RS1: variants seen among roughly 807,000 people sequenced by gnomAD.
RS1 encodes the protein retinoschisin 1, also known as retinoschisin.
RS1 carries 2 observed loss-of-function variants against 20.8 expected under a neutral mutation model. The ratio of observed to expected loss-of-function variants is 0.10; its 90% CI spans 0.04 to 0.30. The LOEUF (loss-of-function observed/expected upper bound fraction) is 0.30. Among genes scored for constraint, RS1 ranks in the 10% least tolerant of loss-of-function variants. The pLI is 1.00. For synonymous variants in RS1, 70 were observed against 75.8 expected (o/e 0.92, Z 0.40); for missense variants, 151 against 189.8 (o/e 0.80, Z 1.20).
Position 18,644,612 on chromosome X carries a change from A to G in RS1, c.340T>C (p.Ser114Pro), listed in dbSNP as rs776803555. The G allele has an allele frequency of 8.3e-7, 1 of 1,208,910 alleles. No homozygotes were observed. The highest frequency in any genetic ancestry group is 1.1e-6 in the Non-Finnish European group (1 of 894,712). ...CACTGGCTACTGTCCTGGAACTTGG[A>G]GAGCCAGGCACACCTGCCGAGAACA... is the stretch of plus-strand genomic sequence containing the variant. Reference protein sequence around the residue: ...NSQGFGCAWLSKFQDSSQWLQ... With the variant: ...NSQGFGCAWLPKFQDSSQWLQ... Residue 114 changes from serine to proline, a missense_variant, in exon 5 of 6, where the codon TCC becomes CCC. Physicochemically the swap from Ser to Pro is moderately conservative, Grantham distance 74. Coordinates refer to ENST00000379984, the MANE Select transcript of RS1 (RefSeq NM_000330.4).
chrX:18,666,990 C>T lies in RS1; in HGVS notation c.52+5027G>A, dbSNP rs757069780. On this transcript the variant is annotated intron_variant, in intron 1 of 5. Transcript: ENST00000379984. Reference sequence around the variant, plus strand: ...GGGACACCCCAGTGTTGAAATCGAGCTGGCAGCCAGACAGATGCTTCTGGA... The same window carrying T: ...GGGACACCCCAGTGTTGAAATCGAGTTGGCAGCCAGACAGATGCTTCTGGA... 1.3e-3 allele frequency among the ~76,000 whole-genome samples: 147 copies of T among 111,681 alleles called. 3 individuals are homozygous for T. In the Admixed American group the frequency reaches 0.014, roughly 10 times the overall value.
intron 4 of RS1, among the ~76,000 whole-genome samples, chrX:18,645,041 G>A (rs1251228868): frequency 8.9e-6 from 1 of 112,168 alleles, no homozygotes; most frequent in African/African-American, 3.2e-5. Flanking sequence ...ACCTATTTGT[G>A]TTTCCCTCGG....
chrX:18,648,445 T>A (rs1439797867), intron 3 of RS1, among the ~76,000 whole-genome samples: 1 of 110,150 alleles, frequency 9.1e-6, no homozygotes, highest in African/African-American at 3.3e-5. Flanking sequence ...TTTTGCCATG[T>A]TCCCCAGGCT....
Position 18,657,642 on chromosome X carries a change from C to G in RS1, c.76G>C (p.Glu26Gln). ...ACAGCCTTCTTACTGTTACATACCT[C>G]GGTAGACGATAATCCCAATGTGGCT... ...YEATLGLSST[E>Q]DEGEDPWYQK... The change falls in exon 2 of 6, where the codon GAG becomes CAG. Residue 26 changes from glutamate to glutamine, a missense_variant and splice_region_variant. By Grantham distance (29) the Glu-to-Gln change is conservative. Coordinates refer to ENST00000379984, the MANE Select transcript of RS1 (RefSeq NM_000330.4). 8.3e-7 allele frequency: 1 copy of G among 1,200,292 alleles called. No individual in the cohort carries two copies. The highest frequency in any genetic ancestry group is 1.1e-6 in the Non-Finnish European group (1 of 885,232).
chrX:18,669,487 C>CAAAAA lies in RS1; in HGVS notation c.52+2525_52+2529dup, dbSNP rs386416704. ...GCCTGGGCAACAAGAGTGAAATTCT[C>CAAAAA]AAAAAAAAAAAAAAAAAGACATAGG... On this transcript the variant is annotated intron_variant, in intron 1 of 5. Coordinates refer to ENST00000379984, the MANE Select transcript of RS1 (RefSeq NM_000330.4). Among the ~76,000 whole-genome samples, 51 of 58,895 alleles carry CAAAAA rather than the reference C, an allele frequency of 8.7e-4. 1 individual carries two copies. The highest frequency in any genetic ancestry group is 1.2e-3 in the Non-Finnish European group (44 of 35,325). 51.1% of individuals were successfully genotyped at this position (58,895 alleles called of 115,157 possible). A position where few individuals can be genotyped will look rare whatever the true frequency, so the allele number is the denominator to read the frequency against.
chrX:18,655,986 CTTTTTTTT>C (rs56213978), intron 3 of RS1, among the ~76,000 whole-genome samples: 5 of 50,826 alleles, frequency 9.8e-5, no homozygotes, highest in Admixed American at 2.8e-4. Flanking sequence ...TTTTCTTTTC[CTTTTTTTT>C]TTTTTTTTTT....
chrX:18,647,470 T>TG (rs1927833353), intron 3 of RS1, 138 bp from the exon 4 acceptor site: 1 of 593,028 alleles, frequency 1.7e-6, no homozygotes, highest in Non-Finnish European at 2.8e-6. Context: ...TGGTTCACAA[T>TG]GGGTACAGCT....
At position 18,647,174 on chromosome X, in the gene RS1, C is replaced by T. The variant is rs750398322; in HGVS notation, c.326+17G>A. 2.5e-6 allele frequency: 3 copies of T among 1,209,566 alleles called. No individual in the cohort carries two copies. The highest frequency in any genetic ancestry group is 3.4e-6 in the Non-Finnish European group (3 of 894,684). On this transcript the variant is annotated intron_variant, in intron 4 of 5. Coordinates refer to ENST00000379984, the MANE Select transcript of RS1 (RefSeq NM_000330.4). The stretch of plus-strand genomic sequence containing the variant: ...TTTTTAAAAGCACATGAAAAAAAAT[C>T]CCCGGGCCCTGCTTACCCAAAGCCT...
At chrX:18,647,375 C>T in intron 3 of RS1, 43 bp from the exon 4 acceptor site, 2 of 1,185,631 alleles carry the variant, frequency 1.7e-6, no homozygotes, top group Non-Finnish European at 1.1e-6. Flanking sequence ...TATCTCAATA[C>T]TCAACAAGCA....
chrX:18,647,638 C>A, intron 3 of RS1: 1 of 312,118 alleles, frequency 3.2e-6, no homozygotes, highest in Non-Finnish European at 5.7e-6. Context: ...TTCACCTCCT[C>A]CACCAACTTA....
At chrX:18,656,797 T>C (rs754508012) in intron 2 of RS1, 39 bp from the exon 3 acceptor site, 7 of 1,105,653 alleles carry the variant, frequency 6.3e-6, no homozygotes, top group Non-Finnish European at 7.5e-6. Context: ...AAAGTCACGG[T>C]CAAAGGCAAC....
intron 3 of RS1, among the ~76,000 whole-genome samples, chrX:18,654,395 C>T (rs1191236704): frequency 1.8e-5 from 2 of 111,256 alleles, no homozygotes; most frequent in Non-Finnish European, 3.8e-5. Flanking sequence ...TAGATTGGGT[C>T]GATGAAGCCA....
chrX:18,662,987 C>T (rs1928340420), intron 1 of RS1, among the ~76,000 whole-genome samples: 1 of 108,590 alleles, frequency 9.2e-6, no homozygotes, highest in East Asian at 2.9e-4. Flanking sequence ...TTTCTTAATC[C>T]AGTCTATCAC....
chrX:18,661,811 C>G (rs866352001), intron 1 of RS1, among the ~76,000 whole-genome samples: 4 of 112,518 alleles, frequency 3.6e-5, no homozygotes, highest in African/African-American at 1.3e-4. Flanking sequence ...CACGTCCAGC[C>G]ACTTGTGTCT....
At position 18,653,582 on chromosome X, in the gene RS1, C is replaced by T; in HGVS notation, c.184+3071G>A. On this transcript the variant is annotated intron_variant, in intron 3 of 5. Coordinates refer to ENST00000379984, the MANE Select transcript of RS1 (RefSeq NM_000330.4). ...TGCGGCTGGTCCCAATGCCCTGAAT[C>T]ACCTCTCTCATGGAAGAACCAATTA... The T allele has an allele frequency of 2.5e-6, 3 of 1,190,762 alleles. No homozygotes were observed. The East Asian group carries it at 9.0e-5, about 36-fold the overall frequency.
At chrX:18,661,803 C>T (rs903572956) in intron 1 of RS1, among the ~76,000 whole-genome samples, 2 of 112,474 alleles carry the variant, frequency 1.8e-5, no homozygotes. Flanking sequence ...GCCTTCTGCA[C>T]GTCCAGCCAC....
chrX:18,652,580 A>G (rs1490956004), intron 3 of RS1, among the ~76,000 whole-genome samples: 1 of 111,544 alleles, frequency 9.0e-6, no homozygotes, highest in Non-Finnish European at 1.9e-5. Flanking sequence ...GAAACAGGAG[A>G]ATCGCTTGAA....
intron 4 of RS1, chrX:18,645,903 C>G (rs2147192472): frequency 8.5e-7 from 1 of 1,177,323 alleles, no homozygotes; most frequent in African/African-American, 1.8e-5. Context: ...TAACCAAACT[C>G]TGGTCAATGG....
chrX:18,657,216 A>ATTTTTTTT (rs1491322520), intron 2 of RS1, among the ~76,000 whole-genome samples: 16 of 36,284 alleles, frequency 4.4e-4, no homozygotes, highest in South Asian at 2.1e-3. Context: ...CAAAAAAAAT[A>ATTTTTTTT]CTTTTTTTTT....
Sources: allele counts gnomAD v4.1 joint callset (sites outside exome capture counted in the v4.1 genomes callset), GRCh38; gene constraint gnomAD v4.1.1; transcripts MANE v1.5; gene names NCBI Gene and HGNC (gene_info 2026-07-23, HGNC 2026-07-21).